Variants in DGKH observed in about 807,000 individuals in gnomAD.
DGKH encodes the protein diacylglycerol kinase eta.
Under a neutral mutation model 159.3 loss-of-function variants are expected in DGKH, and 90 were observed. The observed-to-expected ratio is 0.57, with a 90% confidence interval of 0.48 to 0.67. DGKH has a LOEUF of 0.67. Among genes scored for constraint, DGKH ranks in the 30% least tolerant of loss-of-function variants. The pLI is 0.00. For synonymous variants in DGKH, 536 were observed against 553.8 expected (o/e 0.97, Z 0.45); for missense variants, 1,181 against 1,506.1 (o/e 0.78, Z 3.57).
downstream of DGKH, among the ~76,000 whole-genome samples, chr13:42,244,852 C>T (rs1346557355): frequency 7.8e-6 from 1 of 128,618 alleles, no homozygotes; most frequent in Non-Finnish European, 1.6e-5. Flanking sequence ...TGCAGTGAGC[C>T]GAGATCCCGC....
chr13:42,106,971 G>A (rs564835752), intron 1 of DGKH, among the ~76,000 whole-genome samples: 48 of 152,284 alleles, frequency 3.2e-4, no homozygotes, highest in Admixed American at 5.9e-4. Flanking sequence ...TTGAACCTGG[G>A]CAGCAGAGGT....
At chr13:42,062,924 G>A (rs186852451) in intron 1 of DGKH, among the ~76,000 whole-genome samples, 2 of 152,200 alleles carry the variant, frequency 1.3e-5, no homozygotes, top group East Asian at 3.9e-4. Context: ...GTTGATACAA[G>A]GGGATGGAGT....
At chr13:42,159,541 T>C (rs1335272561) in intron 6 of DGKH, among the ~76,000 whole-genome samples, 169 bp downstream of exon 6, 1 of 152,174 alleles carries the variant, frequency 6.6e-6, no homozygotes, top group Non-Finnish European at 1.5e-5. Flanking sequence ...CTTCTTTAGC[T>C]CTTAGATTTT....
chr13:42,149,264 G>A (rs758205718), intron 3 of DGKH, among the ~76,000 whole-genome samples: 23 of 151,982 alleles, frequency 1.5e-4, no homozygotes, highest in Non-Finnish European at 2.6e-4. Flanking sequence ...CTTCTTCCCC[G>A]ACAAAGCATT....
At chr13:42,111,046 C>G (rs1032648834) in intron 1 of DGKH, among the ~76,000 whole-genome samples, 1 of 151,490 alleles carries the variant, frequency 6.6e-6, no homozygotes, top group Non-Finnish European at 1.5e-5. Flanking sequence ...ACATGCACCC[C>G]GGAACTTAAA....
chr13:42,103,559 G>C (rs1954691172), intron 1 of DGKH, among the ~76,000 whole-genome samples: 1 of 152,108 alleles, frequency 6.6e-6, no homozygotes, highest in Admixed American at 6.6e-5. Flanking sequence ...ATCAATTCCA[G>C]GTGTCACATC....
At chr13:42,120,107 G>A (rs751018393) in intron 1 of DGKH, among the ~76,000 whole-genome samples, 32 of 152,132 alleles carry the variant, frequency 2.1e-4, no homozygotes, top group African/African-American at 3.4e-4. Flanking sequence ...ACTCTGAACC[G>A]TTGTTTGGTT....
intron 26 of DGKH, among the ~76,000 whole-genome samples, chr13:42,216,930 C>A (rs1466144661): frequency 2.0e-5 from 3 of 152,132 alleles, no homozygotes; most frequent in Admixed American, 6.5e-5. Flanking sequence ...TACTTATTTT[C>A]TCTACACGAA....
Position 42,230,535 on chromosome 13 carries a change from T to C in DGKH, c.*1347T>C, listed in dbSNP as rs1218600514. 4 of 152,244 alleles carry C rather than the reference T, an allele frequency of 2.6e-5. No homozygotes were observed. In the East Asian group the frequency reaches 7.7e-4, roughly 29 times the overall value. 9.4% of individuals were successfully genotyped at this position (152,244 alleles called of 1,614,324 possible). A position where few individuals can be genotyped will look rare whatever the true frequency, so the allele number is the denominator to read the frequency against. ...TTAAATAAGCTTTCTTTAGCCATTA[T>C]ATACCAAAACATTAATTATAATATT... On this transcript the variant is annotated 3_prime_UTR_variant, in exon 30 of 30. Coordinates refer to ENST00000337343, the MANE Select transcript of DGKH (RefSeq NM_178009.5).
chr13:42,155,855 C>G, intron 5 of DGKH, 56 bp downstream of exon 5: 1 of 1,595,168 alleles, frequency 6.3e-7, no homozygotes, highest in Non-Finnish European at 8.6e-7. Flanking sequence ...TGTAGACATG[C>G]TGCCACTGGT....
chr13:42,131,692 A>G (rs1566117949), intron 3 of DGKH, among the ~76,000 whole-genome samples: 1 of 152,206 alleles, frequency 6.6e-6, no homozygotes, highest in South Asian at 2.1e-4. Context: ...TGTGCTTATA[A>G]CATTTTCTTT....
chr13:42,241,978 A>G lies in DGKH; in HGVS notation c.*12790A>G, dbSNP rs1297502133. ...CTTGTATGTGTATTCACAGTTTGAT[A>G]GGCATATTTTGAAGTCATTGTTTTC... is the stretch of plus-strand genomic sequence containing the variant. On this transcript the variant is annotated 3_prime_UTR_variant, in exon 30 of 30. Transcript: ENST00000337343. The G allele has an allele frequency of 6.6e-6, 1 of 152,348 alleles. No individual in the cohort carries two copies. Among genetic ancestry groups the G allele is most frequent in the Admixed American group, 6.5e-5 (1 of 15,296 alleles). The allele number at this position is 152,348 out of a possible 1,614,324, so 9.4% of individuals were successfully genotyped here.
chr13:42,211,053 TAA>T (rs1957645677), intron 24 of DGKH, among the ~76,000 whole-genome samples: 1 of 152,204 alleles, frequency 6.6e-6, no homozygotes, highest in African/African-American at 2.4e-5. Context: ...GCAAAAAGAA[TAA>T]AAAGACTTCA....
intron 9 of DGKH, 144 bp downstream of exon 9, chr13:42,166,818 C>G: frequency 1.5e-6 from 1 of 665,914 alleles, no homozygotes; most frequent in Non-Finnish European, 2.2e-6. Flanking sequence ...TTAACACAAC[C>G]TTTTGGATAG....
chr13:42,070,378 A>G (rs1882880291), intron 1 of DGKH: 1 of 1,428,764 alleles, frequency 7.0e-7, no homozygotes, highest in African/African-American at 1.4e-5. Context: ...CATCTGTTCA[A>G]GTTCATGTGC....
At chr13:42,103,932 G>A (rs969852639) in intron 1 of DGKH, among the ~76,000 whole-genome samples, 7 of 152,208 alleles carry the variant, frequency 4.6e-5, no homozygotes, top group African/African-American at 7.2e-5. Flanking sequence ...GAGTGATTAC[G>A]GATTAGATGG....
chr13:42,179,256 G>T (rs1414101530), intron 13 of DGKH, among the ~76,000 whole-genome samples: 1 of 152,186 alleles, frequency 6.6e-6, no homozygotes, highest in Non-Finnish European at 1.5e-5. Flanking sequence ...TTGGACTAAA[G>T]CATCTTCTGC....
Position 42,048,849 on chromosome 13 carries a change from A to T in DGKH, c.76A>T (p.Thr26Ser). 3 of 1,361,398 alleles carry T rather than the reference A, an allele frequency of 2.2e-6. No homozygotes were observed. Among genetic ancestry groups the T allele is most frequent in the Non-Finnish European group, 2.8e-6 (3 of 1,054,174 alleles). 84.3% of individuals were successfully genotyped at this position (1,361,398 alleles called of 1,614,324 possible). ...GGCCGCCGGAGCCGGCGCCGCGGTC[A>T]CCTCCGCCGCTGCCTCGGCGGGGCC... ...GAAAGAGAAV[T>S]SAAASAGPGE... The change falls in exon 1 of 30, where the codon ACC (threonine) becomes TCC (serine). Residue 26 changes from threonine to serine, a missense_variant. Thr to Ser is a moderately conservative substitution (Grantham distance 58). Transcript: ENST00000337343. This position sits in a 1 kb window ranked among gnomAD's most constrained non-coding sequence, Gnocchi z 6.7.
chr13:42,198,486 G>A lies in DGKH; in HGVS notation c.2176G>A (p.Ala726Thr). 6.2e-7 allele frequency: 1 copy of A among 1,613,276 alleles called. No individual in the cohort carries two copies. The highest frequency in any genetic ancestry group is 8.5e-7 in the Non-Finnish European group (1 of 1,179,620). The change falls in exon 18 of 30, where the codon GCA (alanine) becomes ACA (threonine). Residue 726 changes from alanine to threonine, a missense_variant. This residue lies in a region of DGKH where 257 missense variants were observed against 281.5 expected (regional missense o/e 0.91). Coordinates refer to ENST00000337343, the MANE Select transcript of DGKH (RefSeq NM_178009.5). ...NTRIICPGLRAGLAASIAGSS... is the reference protein window; with the variant it reads ...NTRIICPGLRTGLAASIAGSS... ...TTTGCTTTTCTTTCCAGGTTTAAGA[G>A]CAGGACTGGCTGCCTCAATTGCTGG...
Sources: gnomAD v4.1 joint callset for allele counts (sites outside exome capture counted in the v4.1 genomes callset) on GRCh38, gnomAD v4.1.1 for gene constraint, gnomAD v4.1.1 regional missense constraint, Gnocchi (gnomAD v3.1) non-coding constraint, MANE v1.5 for transcripts, NCBI Gene and HGNC (gene_info 2026-07-23, HGNC 2026-07-21) for gene names.